The following SLC4A4 variants were observed in gnomAD, a reference collection of about 807,000 sequenced individuals.
SLC4A4 encodes solute carrier family 4 member 4.
A neutral mutation model predicts 111.5 loss-of-function variants in SLC4A4; 27 were observed. The ratio of observed to expected loss-of-function variants is 0.24; its 90% confidence interval spans 0.18 to 0.33. The LOEUF (loss-of-function observed/expected upper bound fraction) is 0.33, where lower values mean the gene tolerates loss of function less well. SLC4A4 is among the 10% of genes least tolerant of loss of function. SLC4A4 has a pLI of 1.00. For missense variants in SLC4A4, 909 were observed against 1,315.5 expected, an observed-to-expected ratio of 0.69 and a Z score of 4.78; for synonymous variants, 443 against 463.4, an observed-to-expected ratio of 0.96 and a Z score of 0.57.
At chr4:71,293,547 C>T (rs967313697) in intron 3 of SLC4A4, among the ~76,000 whole-genome samples, 20 of 144,086 alleles carry the variant, frequency 1.4e-4, no homozygotes, top group Admixed American at 7.1e-4. Context: ...TGGGCGACTC[C>T]GTCTAAAAAA....
At chr4:71,564,229 G>C (rs1737265664) in intron 24 of SLC4A4, among the ~76,000 whole-genome samples, 1 of 73,954 alleles carries the variant, frequency 1.4e-5, no homozygotes, top group Non-Finnish European at 3.7e-5. Flanking sequence ...CTACATCACT[G>C]TCACTGTTTG....
At chr4:71,119,537 A>T (rs1743359874) in intron 2 of SLC4A4, among the ~76,000 whole-genome samples, 1 of 152,112 alleles carries the variant, frequency 6.6e-6, no homozygotes, top group African/African-American at 2.4e-5. Flanking sequence ...GTGTGCCACC[A>T]TGGTCACCTG....
At chr4:71,389,271 G>T (rs1235242763) in intron 6 of SLC4A4, among the ~76,000 whole-genome samples, 2 of 152,114 alleles carry the variant, frequency 1.3e-5, no homozygotes, top group Non-Finnish European at 1.5e-5. Context: ...CATACATTAG[G>T]AATGACATCA....
intron 2 of SLC4A4, among the ~76,000 whole-genome samples, chr4:71,135,592 G>A (rs149654524): frequency 6.0e-4 from 91 of 152,040 alleles, no homozygotes; most frequent in African/African-American, 2.0e-3. Context: ...CACCGTGCCC[G>A]GCTCACAATC....
chr4:71,190,430 AGACAC>A (rs1745680465), intron 1 of SLC4A4, among the ~76,000 whole-genome samples: 3 of 131,716 alleles, frequency 2.3e-5, no homozygotes, highest in South Asian at 5.1e-4. Context: ...ACACACACAC[AGACAC>A]AACTCATTTG....
chr4:71,388,533 T>TATTC (rs201599029), intron 6 of SLC4A4, among the ~76,000 whole-genome samples: 3,109 of 151,914 alleles, frequency 0.02, 111 homozygotes, highest in East Asian at 0.14. Context: ...TATTATATTA[T>TATTC]ATTCATTCAT....
Position 71,546,312 on chromosome 4 carries a change from G to A in SLC4A4, c.2443-38G>A, listed in dbSNP as rs3733362. The A allele has an allele frequency of 0.11, 171,216 of 1,562,766 alleles. 18,488 individuals carry two copies. Among genetic ancestry groups the A allele is most frequent in the East Asian group, 0.49 (21,968 of 44,490 alleles). On this transcript the variant is annotated intron_variant, in intron 18 of 25. Coordinates refer to ENST00000264485, the MANE Select transcript of SLC4A4 (RefSeq NM_001098484.3). The stretch of plus-strand genomic sequence containing the variant: ...AAATATGACTAGATAGCGAATATGA[G>A]TCTTTTCTTCACATGGTTTTGTTAT...
At chr4:71,234,191 A>G (rs1011543197) in intron 1 of SLC4A4, among the ~76,000 whole-genome samples, 3 of 152,200 alleles carry the variant, frequency 2.0e-5, no homozygotes, top group Non-Finnish European at 4.4e-5. Context: ...TCCCTGCCTC[A>G]TTTTATTTTC....
chr4:71,165,730 T>TA (rs202104732), intron 2 of SLC4A4, among the ~76,000 whole-genome samples: 6 of 151,906 alleles, frequency 3.9e-5, no homozygotes, highest in East Asian at 1.9e-4. Flanking sequence ...ATTTAACTAA[T>TA]AAAAAAAACA....
At chr4:71,212,027 G>A (rs570955788) in intron 1 of SLC4A4, among the ~76,000 whole-genome samples, 2 of 152,274 alleles carry the variant, frequency 1.3e-5, no homozygotes, top group South Asian at 4.1e-4. Flanking sequence ...CAACTGTGAG[G>A]ATGTCTCACT....
At chr4:71,303,385 C>T (rs1001102884) in intron 3 of SLC4A4, among the ~76,000 whole-genome samples, 10 of 152,202 alleles carry the variant, frequency 6.6e-5, no homozygotes, top group African/African-American at 2.4e-4. Flanking sequence ...TCACACATAT[C>T]CCTGTCTCTC....
intron 2 of SLC4A4, among the ~76,000 whole-genome samples, chr4:71,251,189 A>C (rs1721048992): frequency 6.6e-6 from 1 of 152,206 alleles, no homozygotes; most frequent in Non-Finnish European, 1.5e-5. Flanking sequence ...TCATACTTCA[A>C]AGTGTTAAAT....
chr4:71,096,522 T>C (rs1221071619), intron 2 of SLC4A4, among the ~76,000 whole-genome samples: 1 of 152,126 alleles, frequency 6.6e-6, no homozygotes, highest in Non-Finnish European at 1.5e-5. Flanking sequence ...AAAAACTCAG[T>C]AATTGAGATA....
intron 1 of SLC4A4, among the ~76,000 whole-genome samples, chr4:71,084,502 CA>C (rs1742092841): frequency 6.6e-6 from 1 of 151,950 alleles, no homozygotes; most frequent in African/African-American, 2.4e-5. Flanking sequence ...GTGCTGCACC[CA>C]TTAACTCGTC....
chr4:71,216,003 G>C (rs997164424), intron 1 of SLC4A4, among the ~76,000 whole-genome samples: 6 of 151,310 alleles, frequency 4.0e-5, no homozygotes, highest in Non-Finnish European at 8.8e-5. Flanking sequence ...CCCCACCCCG[G>C]ATTCAAGCAA....
chr4:71,150,395 G>A (rs1479567643), intron 2 of SLC4A4, among the ~76,000 whole-genome samples: 1 of 152,058 alleles, frequency 6.6e-6, no homozygotes, highest in Non-Finnish European at 1.5e-5. Flanking sequence ...CTTCCTCTGG[G>A]AACCAAGGTT....
At chr4:71,412,797 T>G (rs1471532317) in intron 7 of SLC4A4, among the ~76,000 whole-genome samples, 10 of 152,202 alleles carry the variant, frequency 6.6e-5, no homozygotes, top group African/African-American at 2.4e-4. Context: ...TCTTTCACTA[T>G]AATGTACCAG....
upstream of SLC4A4, among the ~76,000 whole-genome samples, chr4:71,183,343 T>C (rs1745361712): frequency 6.6e-6 from 1 of 152,204 alleles, no homozygotes; most frequent in African/African-American, 2.4e-5. Flanking sequence ...TTTAACCAAA[T>C]AAAATTATTT....
intron 3 of SLC4A4, among the ~76,000 whole-genome samples, chr4:71,299,033 A>G (rs1456146415): frequency 1.3e-5 from 2 of 152,248 alleles, no homozygotes; most frequent in Non-Finnish European, 2.9e-5. Flanking sequence ...GACATCTAAC[A>G]CATCTAGGTG....
Sources: gnomAD v4.1 joint callset for allele counts (sites outside exome capture counted in the v4.1 genomes callset) on GRCh38, gnomAD v4.1.1 for gene constraint, MANE v1.5 for transcripts, NCBI Gene and HGNC (gene_info 2026-07-23, HGNC 2026-07-21) for gene names.